Variants in POLE2 observed in about 807,000 individuals in gnomAD.
POLE2 encodes the protein DNA polymerase epsilon subunit 2.
In POLE2, 56 loss-of-function variants were observed where a neutral mutation model predicts 79.4. The ratio of observed to expected loss-of-function variants is 0.71; its 90% CI spans 0.57 to 0.88. The LOEUF is 0.88. Among genes scored for constraint, POLE2 ranks in the 40% least tolerant of loss-of-function variants. The probability of loss-of-function intolerance (pLI) is 0.00; values close to 1 mark genes in which losing one functional copy is unlikely to be tolerated. For synonymous variants in POLE2, 212 were observed against 214.0 expected, an observed-to-expected ratio of 0.99 and a Z score of 0.08; for missense variants, 598 against 638.9, an observed-to-expected ratio of 0.94 and a Z score of 0.69.
intron 8 of POLE2, 68 bp from the exon 9 acceptor site, chr14:49,664,742 C>G: frequency 9.6e-6 from 9 of 933,514 alleles, no homozygotes; most frequent in Non-Finnish European, 1.6e-5. Context: ...CATTTTGAGT[C>G]CAACAAGGCT....
intron 15 of POLE2, among the ~76,000 whole-genome samples, chr14:49,652,918 G>C (rs181103722): frequency 1.6e-4 from 25 of 152,196 alleles, no homozygotes; most frequent in Admixed American, 1.0e-3. Flanking sequence ...GGGGACCACT[G>C]TGGTAGAGGG....
intron 6 of POLE2, among the ~76,000 whole-genome samples, chr14:49,669,200 A>G (rs1156543819): frequency 1.3e-5 from 2 of 152,202 alleles, no homozygotes; most frequent in East Asian, 3.8e-4. Flanking sequence ...GGGATGAGTG[A>G]GGGCAAGAAA....
chr14:49,647,510 G>C, intron 17 of POLE2, 150 bp from the exon 18 acceptor site: 1 of 282,538 alleles, frequency 3.5e-6, no homozygotes, highest in Non-Finnish European at 6.6e-6. Context: ...CCAGGCTGGA[G>C]TGCAGTGGGG....
At chr14:49,649,481 G>A (rs1371533845) in intron 17 of POLE2, among the ~76,000 whole-genome samples, 4 of 146,846 alleles carry the variant, frequency 2.7e-5, no homozygotes, top group East Asian at 2.0e-4. Flanking sequence ...ATGGAGTCTC[G>A]CTCTGTCGCC....
At chr14:49,674,915 T>G (rs1214720907) in intron 3 of POLE2, among the ~76,000 whole-genome samples, 1 of 152,088 alleles carries the variant, frequency 6.6e-6, no homozygotes, top group East Asian at 1.9e-4. Context: ...ATGTTTAGCT[T>G]GTGCATTTTC....
At chr14:49,654,474 T>G (rs1884504993) in intron 13 of POLE2, 1 of 451,720 alleles carries the variant, frequency 2.2e-6, no homozygotes, top group South Asian at 4.0e-5. Context: ...ATATTTAAAT[T>G]TAATTAAACT....
chr14:49,679,820 G>T lies in POLE2; in HGVS notation c.170-20C>A, dbSNP rs2139685014. The T allele has an allele frequency of 2.7e-6, 4 of 1,454,998 alleles. No homozygotes were observed. Among genetic ancestry groups the T allele is most frequent in the Non-Finnish European group, 2.9e-6 (3 of 1,051,596 alleles). 90.1% of individuals were successfully genotyped at this position (1,454,998 alleles called of 1,614,324 possible). On this transcript the variant is annotated intron_variant, in intron 2 of 18. Transcript: ENST00000216367. The stretch of plus-strand genomic sequence containing the variant: ...ATGACACTGAAAAGAGAATTTCAAA[G>T]TCAAAATTTAAAAACAAAAAAAAAA...
chr14:49,656,584 G>A (rs112173319), intron 10 of POLE2, among the ~76,000 whole-genome samples: 2 of 151,996 alleles, frequency 1.3e-5, no homozygotes, highest in African/African-American at 2.4e-5. Flanking sequence ...ATTATTCAAC[G>A]GTTCCTTCAA....
Position 49,665,128 on chromosome 14 carries a change from G to A in POLE2, c.612C>T (p.Val204=), listed in dbSNP as rs3218791. 2 of 1,398,414 alleles carry A rather than the reference G, an allele frequency of 1.4e-6. No individual in the cohort carries two copies. Among genetic ancestry groups the A allele is most frequent in the Admixed American group, 3.4e-5 (2 of 58,218 alleles). 86.6% of individuals were successfully genotyped at this position (1,398,414 alleles called of 1,614,324 possible). Residue 204 remains valine (V), a synonymous_variant, in exon 8 of 19, where the codon GTC becomes GTT. Transcript: ENST00000216367. ...KFFLEDPTGT[V]QLDLSKAQFH... ...ATATAGCTTTACTAAGGTCTAGTTG[G>A]ACTGTTCCAGTAGGATCTTCCAGAA...
chr14:49,649,760 T>G (rs890761753), intron 17 of POLE2, among the ~76,000 whole-genome samples: 3 of 152,206 alleles, frequency 2.0e-5, no homozygotes, highest in African/African-American at 7.2e-5. Context: ...AAAAGTCAAT[T>G]ATATTTCTGC....
Position 49,656,218 on chromosome 14 carries a change from C to T in POLE2, c.756-375G>A, listed in dbSNP as rs1453138564. On this transcript the variant is annotated intron_variant, in intron 10 of 18. Coordinates refer to ENST00000216367, the MANE Select transcript of POLE2 (RefSeq NM_002692.4). ...ACAATACAAAAAATTAGCCGGGCGA[C>T]GTGGCGGGCGCCTGTAGTCCCAGCT... Among the ~76,000 whole-genome samples the T allele has an allele frequency of 2.6e-5, 4 of 151,840 alleles. No individual in the cohort carries two copies. The East Asian group carries it at 7.7e-4, about 29-fold the overall frequency.
At chr14:49,651,452 A>G in intron 15 of POLE2, 75 bp from the exon 16 acceptor site, 2 of 623,396 alleles carry the variant, frequency 3.2e-6, no homozygotes, top group Admixed American at 3.0e-5. Context: ...AATCTCTTAC[A>G]ATACAACCCC....
At chr14:49,678,103 G>A (rs1393040033) in intron 3 of POLE2, among the ~76,000 whole-genome samples, 2 of 151,666 alleles carry the variant, frequency 1.3e-5, no homozygotes, top group African/African-American at 4.8e-5. Context: ...GGGTTCAAGC[G>A]ATTCTCCTGC....
intron 3 of POLE2, 113 bp downstream of exon 3, chr14:49,679,609 TAAC>T (rs1053554180): frequency 1.6e-5 from 9 of 572,780 alleles, no homozygotes; most frequent in African/African-American, 1.5e-4. Context: ...CACACAGAAA[TAAC>T]AACAGTAATC....
chr14:49,655,062 G>A lies in POLE2; in HGVS notation c.961C>T (p.Leu321=), dbSNP rs755196410. ...GGTGCAGATGAAAAATTACCACACA[G>A]AATAAAGCAGGTTGGAGGTGCTGGT... The part of the protein sequence containing the change: ...YSPAPPTCFI[L]CGNFSSAPYG... The change falls in exon 12 of 19, where the codon CTG becomes TTG. Residue 321 remains leucine, a synonymous_variant. Coordinates refer to ENST00000216367, the MANE Select transcript of POLE2 (RefSeq NM_002692.4). The A allele has an allele frequency of 4.5e-6, 7 of 1,565,356 alleles. No homozygotes were observed. Among genetic ancestry groups the A allele is most frequent in the Middle Eastern group, 1.7e-4 (1 of 5,736 alleles).
At chr14:49,664,392 A>AT (rs1456964743) in intron 9 of POLE2, among the ~76,000 whole-genome samples, 1 of 151,614 alleles carries the variant, frequency 6.6e-6, no homozygotes, top group Non-Finnish European at 1.5e-5. Context: ...TAATTCGGTG[A>AT]TTTTTAGTAT....
chr14:49,677,808 A>G, intron 3 of POLE2: 1 of 598,636 alleles, frequency 1.7e-6, no homozygotes, highest in Non-Finnish European at 2.7e-6. Flanking sequence ...GTGGACCTGC[A>G]GCAGCACCCT....
rs1887299663 is a variant in POLE2 at position 49,688,140 on chromosome 14, G to A, written c.64C>T (p.Arg22Cys). The change falls in exon 1 of 19, where the codon CGT (arginine) becomes TGT (cysteine). Residue 22 changes from arginine to cysteine, a missense_variant. Physicochemically the swap from Arg to Cys is radical, Grantham distance 180. Coordinates refer to ENST00000216367, the MANE Select transcript of POLE2 (RefSeq NM_002692.4). ...AAGCTGCCCGAGCCCACTCACCCAC[G>A]GAGCAGCAAGCCCCGCAACTTGAAG... ...SAFKLRGLLLRGEAIKYLTEA... is the reference protein window; with the variant it reads ...SAFKLRGLLLCGEAIKYLTEA... The A allele has an allele frequency of 6.4e-7, 1 of 1,554,624 alleles. No individual in the cohort carries two copies. Among genetic ancestry groups the A allele is most frequent in the Non-Finnish European group, 8.7e-7 (1 of 1,150,966 alleles).
intron 5 of POLE2, among the ~76,000 whole-genome samples, chr14:49,672,952 A>G (rs1291143803): frequency 2.6e-5 from 4 of 152,106 alleles, no homozygotes; most frequent in Admixed American, 2.6e-4. Flanking sequence ...TCTCCTGGCA[A>G]TCTTAACTCA....
Sources: gnomAD v4.1 joint callset for allele counts (sites outside exome capture counted in the v4.1 genomes callset) on GRCh38, gnomAD v4.1.1 for gene constraint, MANE v1.5 for transcripts, NCBI Gene and HGNC (gene_info 2026-07-23, HGNC 2026-07-21) for gene names.